Variants in HEXB observed in about 807,000 individuals in gnomAD.
HEXB encodes beta-hexosaminidase subunit beta.
In HEXB, 51 loss-of-function variants were observed where a neutral mutation model predicts 71.2. That is an observed-to-expected ratio of 0.72 (90% CI 0.57 to 0.90). The LOEUF is 0.90. Among genes scored for constraint, HEXB ranks in the 40% least tolerant of loss-of-function variants. The pLI is 0.00. For synonymous variants in HEXB, 266 were observed against 249.3 expected (o/e 1.07, Z -0.63); for missense variants, 617 against 677.0 (o/e 0.91, Z 0.98).
rs551446772 is a variant in HEXB, at chr5:74,696,939, T to C, written c.559-57T>C. 4.5e-5 allele frequency: 42 copies of C among 930,758 alleles called. 1 individual carries two copies. In the Middle Eastern group the frequency reaches 8.4e-4, roughly 19 times the overall value. 57.7% of individuals were successfully genotyped at this position (930,758 alleles called of 1,614,324 possible). A position where few individuals can be genotyped will look rare whatever the true frequency, so the allele number is the denominator to read the frequency against. ...CTTGTATAAATAGATTTAGTCTTCA[T>C]TGAGTTCAAGACAACAGAAAATTCT... On this transcript the variant is annotated intron_variant, in intron 4 of 13. Transcript: ENST00000261416.
intron 1 of HEXB, among the ~76,000 whole-genome samples, chr5:74,687,681 A>T (rs569624281): frequency 3.9e-5 from 6 of 152,232 alleles, no homozygotes; most frequent in Admixed American, 3.3e-4. Context: ...TTTCTTTTTT[A>T]AAAAAATTTT....
At chr5:74,687,241 TCA>T (rs942629547) in intron 1 of HEXB, among the ~76,000 whole-genome samples, 1 of 152,190 alleles carries the variant, frequency 6.6e-6, no homozygotes, top group Non-Finnish European at 1.5e-5. Context: ...AGCAGGTATC[TCA>T]GAGTAAAAGC....
chr5:74,716,972 C>T (rs555375553), intron 9 of HEXB: 6 of 253,586 alleles, frequency 2.4e-5, no homozygotes, highest in South Asian at 4.5e-5. Context: ...GGTGGATCAC[C>T]GGAGGCCAGG....
intron 1 of HEXB, among the ~76,000 whole-genome samples, chr5:74,657,483 T>G (rs4704155): frequency 0.74 from 112,864 of 152,046 alleles, 42,050 homozygotes; most frequent in Middle Eastern, 0.82. Context: ...TTCACCCTGC[T>G]GGATTTTCCT....
At chr5:74,674,076 G>A (rs1295788781) in intron 1 of HEXB, among the ~76,000 whole-genome samples, 1 of 152,198 alleles carries the variant, frequency 6.6e-6, no homozygotes, top group African/African-American at 2.4e-5. Context: ...ATTTGTATAG[G>A]TGGGAACAGA....
chr5:74,715,699 A>G lies in HEXB; in HGVS notation c.1082+9A>G. Reference sequence around the variant, plus strand: ...GTGGAATTTAAATGTTGGTAAGATGATTCCTTAAAACCCCTTTAAAAAAAA... The same window carrying G: ...GTGGAATTTAAATGTTGGTAAGATGGTTCCTTAAAACCCCTTTAAAAAAAA... On this transcript the variant is annotated intron_variant, in intron 8 of 13. Transcript: ENST00000261416. The G allele has an allele frequency of 1.3e-6, 2 of 1,525,168 alleles. No individual in the cohort carries two copies. The highest frequency in any genetic ancestry group is 1.8e-6 in the Non-Finnish European group (2 of 1,100,806). 94.5% of individuals were successfully genotyped at this position (1,525,168 alleles called of 1,614,324 possible).
At chr5:74,672,539 C>T (rs1483108630) in intron 1 of HEXB, among the ~76,000 whole-genome samples, 1 of 152,214 alleles carries the variant, frequency 6.6e-6, no homozygotes, top group Non-Finnish European at 1.5e-5. Flanking sequence ...GAACCAAATT[C>T]CAATCCCTAG....
intron 1 of HEXB, among the ~76,000 whole-genome samples, chr5:74,669,124 T>C (rs1294510392): frequency 2.0e-5 from 3 of 152,098 alleles, no homozygotes; most frequent in African/African-American, 7.2e-5. Context: ...ATTAATTTTT[T>C]GTATTTTTAA....
rs753066549 is a variant in HEXB at position 74,713,551 on chromosome 5, A to G, written c.817A>G (p.Met273Val). Residue 273 changes from methionine (M) to valine (V), a missense_variant, in exon 7 of 14, where the codon ATG (methionine) becomes GTG (valine). Transcript: ENST00000261416. Reference sequence around the variant, plus strand: ...TGTTTATACACCAAATGATGTCCGTATGGTGATTGAATATGCCAGATTACG... The same window carrying G: ...TGTTTATACACCAAATGATGTCCGTGTGGTGATTGAATATGCCAGATTACG... ...SHVYTPNDVR[M>V]VIEYARLRGI... is the part of the protein sequence containing the mutation. 10 of 1,607,796 alleles carry G rather than the reference A, an allele frequency of 6.2e-6. No individual in the cohort carries two copies. The Admixed American group carries it at 1.3e-4, about 21-fold the overall frequency.
At chr5:74,695,005 C>T (rs1009740343) in intron 3 of HEXB, among the ~76,000 whole-genome samples, 1 of 151,832 alleles carries the variant, frequency 6.6e-6, no homozygotes, top group African/African-American at 2.4e-5. Context: ...GAATCTGACT[C>T]AGAGTGTTAC....
At chr5:74,650,639 A>C (rs998340962) in intron 1 of HEXB, among the ~76,000 whole-genome samples, 5 of 152,098 alleles carry the variant, frequency 3.3e-5, no homozygotes, top group African/African-American at 1.2e-4. Context: ...AGTCAACTGC[A>C]GGCCAGGCGC....
chr5:74,660,215 C>A (rs975182519), intron 1 of HEXB, among the ~76,000 whole-genome samples: 1 of 152,190 alleles, frequency 6.6e-6, no homozygotes, highest in Non-Finnish European at 1.5e-5. Flanking sequence ...CTAATTGTAT[C>A]CCAAACAATA....
At chr5:74,659,508 T>C (rs1748280161) in intron 1 of HEXB, among the ~76,000 whole-genome samples, 1 of 152,080 alleles carries the variant, frequency 6.6e-6, no homozygotes, top group African/African-American at 2.4e-5. Flanking sequence ...TAGTGAAATA[T>C]GAGTCAGTTA....
At chr5:74,664,430 T>TAAAAAAAAAAAAAAAAAAAAAAAAAAAA (rs397998152) in intron 1 of HEXB, among the ~76,000 whole-genome samples, 3 of 79,634 alleles carry the variant, frequency 3.8e-5, no homozygotes, top group Admixed American at 1.4e-4. Context: ...ATTCTATCTC[T>TAAAAAAAAAAAAAAAAAAAAAAAAAAAA]AAAAAAAAAA....
At chr5:74,640,538 G>A (rs1318827755) in exon 1 of HEXB, 1 of 152,266 alleles carries the variant, frequency 6.6e-6, no homozygotes, top group Non-Finnish European at 1.5e-5. Context: ...GACCCGCAGA[G>A]CGTCTCCGGA....
At chr5:74,679,459 A>C (rs1050462354) in intron 1 of HEXB, among the ~76,000 whole-genome samples, 18 of 151,002 alleles carry the variant, frequency 1.2e-4, no homozygotes, top group Non-Finnish European at 2.5e-4. Context: ...ATTGCCAGCT[A>C]GTGTTCAGGG....
rs139198275 is a variant in HEXB, at chr5:74,679,592, G to A, written c.-376-9736G>A. Among the ~76,000 whole-genome samples the A allele has an allele frequency of 8.5e-3, 1,292 of 152,070 alleles. 9 individuals are homozygous for A. The highest frequency in any genetic ancestry group is 0.011 in the Non-Finnish European group (734 of 67,980). On this transcript the variant is annotated intron_variant, in intron 1 of 13. Transcript: ENST00000511181. ...AAGGTGGTGGATCACTTGGGGTCAG[G>A]AGTTTGAGACCAGCCTGGCCAACAT...
Position 74,696,995 on chromosome 5 carries a change from G to A in HEXB, c.559-1G>A, listed in dbSNP as rs1311903314. The A allele has an allele frequency of 2.0e-6, 3 of 1,494,238 alleles. No individual in the cohort carries two copies. The highest frequency in any genetic ancestry group is 2.8e-6 in the Non-Finnish European group (3 of 1,072,758). 92.6% of individuals were successfully genotyped at this position (1,494,238 alleles called of 1,614,324 possible). A position where few individuals can be genotyped will look rare whatever the true frequency, so the allele number is the denominator to read the frequency against. On this transcript the variant is annotated splice_acceptor_variant, in intron 4 of 13. Transcript: ENST00000261416. LOFTEE classifies it high-confidence loss of function. ...TAAATCAAAATTTTATTTTGTCATAGTTCACCATCAATGAATCCACCATTA... is the reference window on the plus strand; with the variant it reads ...TAAATCAAAATTTTATTTTGTCATAATTCACCATCAATGAATCCACCATTA...
intron 4 of HEXB, 96 bp from the exon 5 acceptor site, chr5:74,696,900 T>A: frequency 2.6e-6 from 2 of 780,550 alleles, no homozygotes; most frequent in Non-Finnish European, 4.4e-6. Flanking sequence ...TCTAAATTAA[T>A]ATTTTATGAA....
Sources: allele counts gnomAD v4.1 joint callset (sites outside exome capture counted in the v4.1 genomes callset), GRCh38; gene constraint gnomAD v4.1.1; transcripts MANE v1.5; gene names NCBI Gene and HGNC (gene_info 2026-07-23, HGNC 2026-07-21).